SRGAP2: variants seen among roughly 807,000 people sequenced by gnomAD.
The protein encoded by SRGAP2 is SLIT-ROBO Rho GTPase-activating protein 2.
A neutral mutation model predicts 57.2 loss-of-function variants in SRGAP2; 15 were observed. The observed-to-expected ratio is 0.26, with a 90% CI of 0.18 to 0.40. The LOEUF (loss-of-function observed/expected upper bound fraction) is 0.40, where lower values mean the gene tolerates loss of function less well. SRGAP2 is among the 10% of genes least tolerant of loss of function. The pLI, the probability that SRGAP2 is intolerant of heterozygous loss-of-function variation, is 1.00. For synonymous variants in SRGAP2, 249 were observed against 248.0 expected (o/e 1.00, Z -0.04); for missense variants, 520 against 669.6 (o/e 0.78, Z 2.47).
At chr1:206,210,955 T>C (rs1553302330) in intron 2 of SRGAP2, among the ~76,000 whole-genome samples, 1 of 152,132 alleles carries the variant, frequency 6.6e-6, no homozygotes, top group African/African-American at 2.4e-5. Context: ...AATGAAACTC[T>C]TGGAAACTTT....
intron 11 of SRGAP2, among the ~76,000 whole-genome samples, chr1:206,418,499 T>C (rs1270025154): frequency 1.3e-5 from 2 of 152,258 alleles, no homozygotes; most frequent in Non-Finnish European, 2.9e-5. Context: ...CAGCACCTGC[T>C]AGGGTTTGCC....
chr1:206,394,293 C>T (rs1302932116), intron 7 of SRGAP2, among the ~76,000 whole-genome samples: 10 of 151,634 alleles, frequency 6.6e-5, no homozygotes, highest in Non-Finnish European at 1.0e-4. Context: ...GTGACCTGAC[C>T]TCAGGTGATC....
At chr1:206,456,038 A>T (rs182023528) in intron 21 of SRGAP2, 1 of 152,252 alleles carries the variant, frequency 6.6e-6, no homozygotes. Flanking sequence ...GATGATGTAC[A>T]GTTTTTATTC....
At chr1:206,212,199 A>G (rs1666356289) in intron 2 of SRGAP2, among the ~76,000 whole-genome samples, 1 of 150,012 alleles carries the variant, frequency 6.7e-6, no homozygotes, top group South Asian at 2.1e-4. Context: ...TTTTTTTTTC[A>G]GATGGGGTCT....
At position 206,443,407 on chromosome 1, in the gene SRGAP2, T is replaced by C. The variant is rs187200107; in HGVS notation, c.1875-2668T>C. Among the ~76,000 whole-genome samples, 182 of 152,354 alleles carry C rather than the reference T, an allele frequency of 1.2e-3. 1 individual carries two copies. The highest frequency in any genetic ancestry group is 1.9e-3 in the Non-Finnish European group (126 of 68,036). ...GTTTGTTTTTGAGATGGAGTTTTGC[T>C]CTTGTCCCCCAAGCTGGAGTGCAAT... On this transcript the variant is annotated intron_variant, in intron 17 of 22. Transcript: ENST00000573034.
At position 206,416,770 on chromosome 1, in the gene SRGAP2, C is replaced by A. The variant is rs6704090; in HGVS notation, c.1441+797C>A. Among the ~76,000 whole-genome samples the A allele has an allele frequency of 2.3e-3, 346 of 152,242 alleles. 3 individuals are homozygous for A. The highest frequency in any genetic ancestry group is 6.0e-3 in the Admixed American group (92 of 15,304). On this transcript the variant is annotated intron_variant, in intron 11 of 22. Coordinates refer to ENST00000573034, the MANE Select transcript of SRGAP2 (RefSeq NM_015326.5). ...GGGGATGCCTCTGAATGCCGCCCCC[C>A]CCTCCCTGCCCCACTAATCTAATCT...
intron 12 of SRGAP2, among the ~76,000 whole-genome samples, chr1:206,420,174 T>C (rs1553363851): frequency 6.6e-6 from 1 of 152,250 alleles, no homozygotes; most frequent in African/African-American, 2.4e-5. Context: ...CAACCACTTA[T>C]ATCTGCCAAA....
In SRGAP2 at chr1:206,333,956, C is replaced by T. The variant is rs1381561089; in HGVS notation, c.261-8890C>T. Among the ~76,000 whole-genome samples the T allele has an allele frequency of 2.0e-5, 3 of 152,076 alleles. No individual in the cohort carries two copies. In the South Asian group the frequency reaches 6.2e-4, roughly 32 times the overall value. Reference sequence around the variant, plus strand: ...ACCACTCAGCCCTTTAAAGTTTTGCCAGTAAAGTATCAACATGGTTAATAA... The same window carrying T: ...ACCACTCAGCCCTTTAAAGTTTTGCTAGTAAAGTATCAACATGGTTAATAA... On this transcript the variant is annotated intron_variant, in intron 3 of 22. Transcript: ENST00000573034.
intron 5 of SRGAP2, among the ~76,000 whole-genome samples, chr1:206,385,070 A>G (rs6662426): frequency 7.3e-6 from 1 of 137,858 alleles, no homozygotes; most frequent in Admixed American, 7.1e-5. Flanking sequence ...TTGGGATCAG[A>G]TGTTGCTGAT....
chr1:206,423,862 C>T (rs1660542130), intron 13 of SRGAP2, among the ~76,000 whole-genome samples: 1 of 151,668 alleles, frequency 6.6e-6, no homozygotes. Context: ...GTAACCTCCA[C>T]CTCCTAGGCT....
At chr1:206,362,866 C>G (rs1406930738) in intron 4 of SRGAP2, among the ~76,000 whole-genome samples, 9 of 152,158 alleles carry the variant, frequency 5.9e-5, no homozygotes, top group African/African-American at 2.2e-4. Context: ...TTCTGACTTT[C>G]TGGGCCATGT....
At chr1:206,335,499 C>T (rs1454919444) in intron 3 of SRGAP2, among the ~76,000 whole-genome samples, 18 of 151,028 alleles carry the variant, frequency 1.2e-4, no homozygotes, top group Admixed American at 8.6e-4. Flanking sequence ...GGCTGATGCA[C>T]AGTTTAGGAG....
chr1:206,314,163 T>C (rs1366667637), intron 3 of SRGAP2, among the ~76,000 whole-genome samples: 2 of 151,514 alleles, frequency 1.3e-5, no homozygotes, highest in South Asian at 4.2e-4. Flanking sequence ...AGATGGAGTT[T>C]CGCTCTTGTT....
chr1:206,354,594 A>T (rs1442078670), intron 4 of SRGAP2, among the ~76,000 whole-genome samples: 1 of 152,170 alleles, frequency 6.6e-6, no homozygotes, highest in Non-Finnish European at 1.5e-5. Flanking sequence ...TGGCATTTGG[A>T]TAGTTTTCAG....
chr1:206,282,048 T>C lies in SRGAP2; in HGVS notation c.68-21233T>C, dbSNP rs1435403406. 5.6e-5 allele frequency among the ~76,000 whole-genome samples: 7 copies of C among 124,342 alleles called. No individual in the cohort carries two copies. In the East Asian group the frequency reaches 1.5e-3, roughly 26 times the overall value. 81.6% of individuals were successfully genotyped at this position (124,342 alleles called of 152,430 possible). ...CATGACAAATTCTACAGAAGTTCTATCAAAGCAAGTCATGTAGTGTGTTCA... is the reference window on the plus strand; with the variant it reads ...CATGACAAATTCTACAGAAGTTCTACCAAAGCAAGTCATGTAGTGTGTTCA... On this transcript the variant is annotated intron_variant, in intron 2 of 22. Transcript: ENST00000573034.
rs1021146095 is a variant in SRGAP2 at position 206,454,711 on chromosome 1, A to G, written c.2361-167A>G. On this transcript the variant is annotated intron_variant, in intron 20 of 22. Coordinates refer to ENST00000573034, the MANE Select transcript of SRGAP2 (RefSeq NM_015326.5). This position sits in a 1 kb window ranked among gnomAD's most constrained non-coding sequence, Gnocchi z 4.3. ...TTTAAACGACCCTTCAAAGGCCCTT[A>G]GGTTTCCTTGCCTCTGCTCACAGAA... 1 of 589,190 alleles carries G rather than the reference A, an allele frequency of 1.7e-6. No homozygotes were observed. Among genetic ancestry groups the G allele is most frequent in the African/African-American group, 1.9e-5 (1 of 53,446 alleles). 36.5% of individuals were successfully genotyped at this position (589,190 alleles called of 1,614,324 possible). A position where few individuals can be genotyped will look rare whatever the true frequency, so the allele number is the denominator to read the frequency against.
intron 4 of SRGAP2, among the ~76,000 whole-genome samples, chr1:206,370,266 A>AAAAT (rs61162750): frequency 0.034 from 5,100 of 151,392 alleles, 130 homozygotes; most frequent in Non-Finnish European, 0.049. Flanking sequence ...ACTCCATCTC[A>AAAAT]AAATAAATAA....
chr1:206,313,782 A>C (rs1672847763), intron 3 of SRGAP2, among the ~76,000 whole-genome samples: 1 of 151,584 alleles, frequency 6.6e-6, no homozygotes, highest in Non-Finnish European at 1.5e-5. Flanking sequence ...GATCATAAGG[A>C]TCTAAATTAG....
chr1:206,456,362 C>T (rs1430431513), intron 21 of SRGAP2, among the ~76,000 whole-genome samples: 6 of 152,118 alleles, frequency 3.9e-5, no homozygotes, highest in African/African-American at 7.2e-5. Context: ...AGCACACTGC[C>T]CTGCTGGGAG....
Sources: allele counts gnomAD v4.1 joint callset (sites outside exome capture counted in the v4.1 genomes callset), GRCh38; gene constraint gnomAD v4.1.1; non-coding constraint Gnocchi (gnomAD v3.1); transcripts MANE v1.5; gene names NCBI Gene and HGNC (gene_info 2026-07-23, HGNC 2026-07-21).